Variants in ADGRL2 observed in about 807,000 individuals in gnomAD.
ADGRL2 encodes calcium-independent alpha-latrotoxin receptor 2.
Under a neutral mutation model 157.4 loss-of-function variants are expected in ADGRL2, and 44 were observed. The ratio of observed to expected loss-of-function variants is 0.28; its 90% CI spans 0.22 to 0.36. The LOEUF is 0.36. Ranked by LOEUF, ADGRL2 falls within the 10% of genes least tolerant of loss-of-function variation. The pLI is 1.00. For missense variants in ADGRL2, 1,510 were observed against 1,768.9 expected, an observed-to-expected ratio of 0.85 and a Z score of 2.63; for synonymous variants, 585 against 624.7, an observed-to-expected ratio of 0.94 and a Z score of 0.95.
intron 1 of ADGRL2, among the ~76,000 whole-genome samples, chr1:81,802,213 C>G (rs1467272422): frequency 6.6e-6 from 1 of 152,026 alleles, no homozygotes; most frequent in Non-Finnish European, 1.5e-5. Context: ...TCCCTCGGGG[C>G]GCGCTCGCAG....
intron 1 of ADGRL2, chr1:81,427,282 T>C: frequency 1.4e-6 from 1 of 738,618 alleles, no homozygotes; most frequent in Admixed American, 1.7e-5. Context: ...ATGGTGGATA[T>C]AATGGACTTA....
intron 2 of ADGRL2, among the ~76,000 whole-genome samples, chr1:81,527,259 C>A (rs546851449): frequency 1.3e-5 from 2 of 152,152 alleles, no homozygotes; most frequent in South Asian, 4.1e-4. Flanking sequence ...TCCCTCATCA[C>A]AAAGTGTTGT....
chr1:81,686,957 G>C (rs1259495461), intron 3 of ADGRL2, among the ~76,000 whole-genome samples: 1 of 152,108 alleles, frequency 6.6e-6, no homozygotes, highest in Non-Finnish European at 1.5e-5. Context: ...GTCCCTTATG[G>C]AGTTGATTTC....
chr1:81,678,425 G>A (rs755384280), intron 3 of ADGRL2, among the ~76,000 whole-genome samples: 1 of 152,188 alleles, frequency 6.6e-6, no homozygotes, highest in Non-Finnish European at 1.5e-5. Context: ...ATTTAGGGAT[G>A]TCTACAAAAC....
intron 3 of ADGRL2, among the ~76,000 whole-genome samples, chr1:81,647,447 C>G (rs1341425106): frequency 6.6e-6 from 1 of 152,166 alleles, no homozygotes; most frequent in Non-Finnish European, 1.5e-5. Flanking sequence ...TACACCTGAC[C>G]TCATGTGCCA....
In ADGRL2 at chr1:81,880,906, C is replaced by T. The variant is rs903514950; in HGVS notation, c.74-26111C>T. Among the ~76,000 whole-genome samples, 5 of 151,922 alleles carry T rather than the reference C, an allele frequency of 3.3e-5. No individual in the cohort carries two copies. In the East Asian group the frequency reaches 7.7e-4, roughly 24 times the overall value. ...TATCAATATCTTTTTGTCCTTCCCT[C>T]TCAAATCCCTACTTTAACCAGCGAA... On this transcript the variant is annotated intron_variant, in intron 2 of 23. Coordinates refer to ENST00000686636, the MANE Select transcript of ADGRL2 (RefSeq NM_001366006.2).
intron 3 of ADGRL2, among the ~76,000 whole-genome samples, chr1:81,627,072 T>C (rs2081925425): frequency 1.3e-5 from 2 of 152,008 alleles, no homozygotes; most frequent in African/African-American, 4.8e-5. Flanking sequence ...CCTAGTAATT[T>C]TCAGTAAATG....
At chr1:81,469,860 C>A (rs1275927963) in intron 2 of ADGRL2, among the ~76,000 whole-genome samples, 1 of 152,194 alleles carries the variant, frequency 6.6e-6, no homozygotes, top group Non-Finnish European at 1.5e-5. Context: ...TTAAACACAT[C>A]CTATGCAATT....
chr1:81,385,641 C>T (rs997765219), intron 1 of ADGRL2, among the ~76,000 whole-genome samples: 1 of 151,584 alleles, frequency 6.6e-6, no homozygotes. Flanking sequence ...ACTGGAATCC[C>T]TGCCCTGGAA....
At chr1:81,786,208 A>C (rs1347144737) in intron 2 of ADGRL2, among the ~76,000 whole-genome samples, 2 of 152,250 alleles carry the variant, frequency 1.3e-5, no homozygotes, top group African/African-American at 4.8e-5. Flanking sequence ...ATACAAAAGA[A>C]AATTAGGAAT....
At chr1:81,947,706 C>A (rs982240180) in intron 6 of ADGRL2, among the ~76,000 whole-genome samples, 2 of 152,078 alleles carry the variant, frequency 1.3e-5, no homozygotes, top group Non-Finnish European at 2.9e-5. Flanking sequence ...AGAAATATAT[C>A]TGCATTTCTA....
At chr1:81,826,557 G>A (rs975619334) in intron 1 of ADGRL2, among the ~76,000 whole-genome samples, 3 of 152,202 alleles carry the variant, frequency 2.0e-5, no homozygotes, top group African/African-American at 7.2e-5. Context: ...TAATTTGGCA[G>A]AGAAGTATTA....
chr1:81,790,230 TTGAGA>T (rs545672728), intron 2 of ADGRL2, among the ~76,000 whole-genome samples: 10 of 152,080 alleles, frequency 6.6e-5, no homozygotes, highest in Admixed American at 1.3e-4. Flanking sequence ...CCTGCTTTCC[TTGAGA>T]TATTTCCCAC....
At chr1:81,875,610 A>G (rs2093818858) in intron 2 of ADGRL2, among the ~76,000 whole-genome samples, 1 of 152,168 alleles carries the variant, frequency 6.6e-6, no homozygotes, top group Admixed American at 6.6e-5. Flanking sequence ...AACAACAATT[A>G]AATCTTACTC....
chr1:81,922,075 G>A (rs574589648), intron 3 of ADGRL2, among the ~76,000 whole-genome samples: 5 of 152,328 alleles, frequency 3.3e-5, no homozygotes, highest in African/African-American at 1.2e-4. Flanking sequence ...CAAAGGCTCT[G>A]TAGTCTGGTG....
intron 3 of ADGRL2, among the ~76,000 whole-genome samples, chr1:81,582,540 G>A (rs2080937280): frequency 6.6e-6 from 1 of 151,872 alleles, no homozygotes; most frequent in Admixed American, 6.6e-5. Context: ...AAAGGTGAGA[G>A]GTGAGATTCT....
chr1:81,326,273 G>C (rs1336763701), intron 1 of ADGRL2, among the ~76,000 whole-genome samples: 1 of 152,140 alleles, frequency 6.6e-6, no homozygotes, highest in East Asian at 1.9e-4. Flanking sequence ...ATAATTGTGT[G>C]CTTTGTGATT....
intron 1 of ADGRL2, among the ~76,000 whole-genome samples, chr1:81,312,096 C>A (rs111639333): frequency 9.9e-5 from 15 of 152,250 alleles, no homozygotes; most frequent in African/African-American, 1.4e-4. Flanking sequence ...GAAACTTTGG[C>A]TCTCCAGGAA....
At chr1:81,328,153 C>T (rs143443844) in intron 1 of ADGRL2, among the ~76,000 whole-genome samples, 2 of 152,238 alleles carry the variant, frequency 1.3e-5, no homozygotes, top group African/African-American at 4.8e-5. Flanking sequence ...AACCTTTTTC[C>T]TTTCAGAAGA....
Sources: gnomAD v4.1 joint callset for allele counts (sites outside exome capture counted in the v4.1 genomes callset) on GRCh38, gnomAD v4.1.1 for gene constraint, MANE v1.5 for transcripts, NCBI Gene and HGNC (gene_info 2026-07-23, HGNC 2026-07-21) for gene names.